ST7: variants seen among roughly 807,000 people sequenced by gnomAD.
ST7 encodes suppressor of tumorigenicity 7 protein.
In ST7, 28 loss-of-function variants were observed where a neutral mutation model predicts 78.7. That is an observed-to-expected ratio of 0.36 (90% CI 0.26 to 0.49). ST7 has a LOEUF of 0.49. ST7 is among the 20% of genes least tolerant of loss of function. The probability of loss-of-function intolerance (pLI) is 0.99; values close to 1 mark genes in which losing one functional copy is unlikely to be tolerated. For synonymous variants in ST7, 247 were observed against 249.6 expected, an observed-to-expected ratio of 0.99 and a Z score of 0.10; for missense variants, 418 against 696.0, an observed-to-expected ratio of 0.60 and a Z score of 4.49.
intron 10 of ST7, among the ~76,000 whole-genome samples, chr7:117,172,859 G>T (rs1808100284): frequency 6.6e-6 from 1 of 152,172 alleles, no homozygotes; most frequent in Non-Finnish European, 1.5e-5. Context: ...CCTTTGGGAT[G>T]GCAAGCCTCT....
chr7:117,223,191 T>A, intron 15 of ST7: 1 of 574,160 alleles, frequency 1.7e-6, no homozygotes, highest in Non-Finnish European at 3.1e-6. Flanking sequence ...ATTCACCTCT[T>A]CTTTCCCTCC....
intron 1 of ST7, among the ~76,000 whole-genome samples, chr7:117,097,909 T>TATATATATATATATATA (rs1554436004): frequency 5.2e-3 from 79 of 15,284 alleles, no homozygotes; most frequent in Non-Finnish European, 5.9e-3. Flanking sequence ...TATATATATA[T>TATATATATATATATATA]TTTTTTTTTT....
intron 1 of ST7, among the ~76,000 whole-genome samples, chr7:117,062,191 G>A (rs1463210149): frequency 6.6e-6 from 1 of 152,120 alleles, no homozygotes. Context: ...CCCATTATGA[G>A]GGTCCCTTGG....
Position 116,956,783 on chromosome 7 carries a change from G to T in ST7, c.151+3092G>T, listed in dbSNP as rs929620515. 5 of 378,440 alleles carry T rather than the reference G, an allele frequency of 1.3e-5. No individual in the cohort carries two copies. In the Admixed American group the frequency reaches 1.4e-4, roughly 11 times the overall value. The allele number at this position is 378,440 out of a possible 1,614,324, so 23.4% of individuals were successfully genotyped here. A position where few individuals can be genotyped will look rare whatever the true frequency, so the allele number is the denominator to read the frequency against. ...GATGCCTCCTAATGTACTATAACAG[G>T]TGCTATGATAAGAAAGATGAATGAG... is the stretch of plus-strand genomic sequence containing the variant. On this transcript the variant is annotated intron_variant, in intron 1 of 15. Transcript: ENST00000323984.
intron 2 of ST7, among the ~76,000 whole-genome samples, chr7:117,103,753 A>G (rs1344006999): frequency 6.6e-6 from 1 of 152,212 alleles, no homozygotes; most frequent in African/African-American, 2.4e-5. Flanking sequence ...AAATGGGATT[A>G]TATCAAGTTA....
At chr7:116,960,652 C>G (rs1408370835) in intron 1 of ST7, among the ~76,000 whole-genome samples, 2 of 152,142 alleles carry the variant, frequency 1.3e-5, no homozygotes, top group African/African-American at 4.8e-5. Context: ...CCCTGAACTC[C>G]ATTCATACAG....
chr7:116,955,114 T>A (rs1792385874), intron 1 of ST7: 1 of 471,086 alleles, frequency 2.1e-6, no homozygotes, highest in African/African-American at 2.0e-5. Flanking sequence ...TCTTTTTGGA[T>A]GGCTGCTTGT....
chr7:117,191,798 A>G (rs547381062), intron 12 of ST7: 8 of 152,338 alleles, frequency 5.3e-5, no homozygotes, highest in African/African-American at 1.9e-4. Context: ...AAAATGTCTG[A>G]TGAAGACTTA....
chr7:116,997,172 T>C (rs1794699996), intron 1 of ST7, among the ~76,000 whole-genome samples: 2 of 152,168 alleles, frequency 1.3e-5, no homozygotes, highest in Admixed American at 1.3e-4. Flanking sequence ...CAGTGAGTGT[T>C]ACAGCTCATA....
chr7:117,072,693 T>G (rs1355022941), intron 1 of ST7: 2 of 152,216 alleles, frequency 1.3e-5, no homozygotes, highest in Non-Finnish European at 2.9e-5. Flanking sequence ...TGACAACCTA[T>G]TCTGGGCTTT....
intron 14 of ST7, among the ~76,000 whole-genome samples, chr7:117,220,077 CT>C (rs985214637): frequency 3.9e-5 from 6 of 152,330 alleles, no homozygotes; most frequent in African/African-American, 1.4e-4. Flanking sequence ...ATATCAATAT[CT>C]TATAGCTGTA....
chr7:117,147,481 A>G (rs777173427), intron 9 of ST7, among the ~76,000 whole-genome samples: 8 of 151,954 alleles, frequency 5.3e-5, no homozygotes, highest in Non-Finnish European at 8.8e-5. Flanking sequence ...ATACATATTT[A>G]TATATTTTAA....
Position 117,048,253 on chromosome 7 carries a change from C to T in ST7, c.152-51509C>T, listed in dbSNP as rs183237412. ...GGGAGGCAGGAGAGGCAGGGACATT[C>T]GGTATAACTTTACAAAAATACATCA... On this transcript the variant is annotated intron_variant, in intron 1 of 15. Transcript: ENST00000323984. Among the ~76,000 whole-genome samples the T allele has an allele frequency of 5.5e-4, 83 of 151,430 alleles. No individual in the cohort carries two copies. In the East Asian group the frequency reaches 8.9e-3, roughly 16 times the overall value.
chr7:117,075,506 A>G (rs1197331134), intron 1 of ST7, among the ~76,000 whole-genome samples: 1 of 152,176 alleles, frequency 6.6e-6, no homozygotes, highest in Non-Finnish European at 1.5e-5. Context: ...AGCACAGCCC[A>G]TTGTTTCCCT....
At chr7:117,218,486 C>T (rs1313437006) in intron 13 of ST7, among the ~76,000 whole-genome samples, 1 of 152,172 alleles carries the variant, frequency 6.6e-6, no homozygotes, top group African/African-American at 2.4e-5. Context: ...GATAATTAAT[C>T]TCTCCAGATC....
intron 15 of ST7, 133 bp from the exon 16 acceptor site, chr7:117,229,629 T>A (rs987948916): frequency 1.1e-5 from 8 of 731,864 alleles, no homozygotes; most frequent in Non-Finnish European, 1.9e-5. Flanking sequence ...CCTGTAAACA[T>A]AAAGATGAAA....
intron 10 of ST7, among the ~76,000 whole-genome samples, chr7:117,174,157 C>A (rs1808195862): frequency 6.6e-6 from 1 of 152,070 alleles, no homozygotes. Context: ...CTTTATTATT[C>A]CAGGTATTAG....
At chr7:117,225,493 T>C (rs1793377897) in intron 15 of ST7, among the ~76,000 whole-genome samples, 1 of 152,142 alleles carries the variant, frequency 6.6e-6, no homozygotes, top group Admixed American at 6.5e-5. Context: ...ATGGATGGCC[T>C]GAATGAGACA....
At chr7:116,995,339 A>G (rs1794604516) in intron 1 of ST7, among the ~76,000 whole-genome samples, 1 of 152,196 alleles carries the variant, frequency 6.6e-6, no homozygotes, top group African/African-American at 2.4e-5. Context: ...GGTAATGTAC[A>G]TATATACATA....
Sources: gnomAD v4.1 joint callset for allele counts (sites outside exome capture counted in the v4.1 genomes callset) on GRCh38, gnomAD v4.1.1 for gene constraint, MANE v1.5 for transcripts, NCBI Gene and HGNC (gene_info 2026-07-23, HGNC 2026-07-21) for gene names.